The following TENM3 variants were observed in gnomAD, a reference collection of about 807,000 sequenced individuals.
TENM3 encodes the protein teneurin-3.
In TENM3, 63 loss-of-function variants were observed where a neutral mutation model predicts 255.1. The observed-to-expected ratio is 0.25, with a 90% CI of 0.20 to 0.30. The LOEUF is 0.30. TENM3 is among the 10% of genes least tolerant of loss of function. The probability of loss-of-function intolerance (pLI) is 1.00; values close to 1 mark genes in which losing one functional copy is unlikely to be tolerated. For synonymous variants in TENM3, 1,306 were observed against 1,322.3 expected (o/e 0.99, Z 0.27); for missense variants, 2,929 against 3,461.1 (o/e 0.85, Z 3.86).
the TENM3 span, among the ~76,000 whole-genome samples, chr4:181,509,397 T>TC: frequency 9.9e-6 from 1 of 101,176 alleles, no homozygotes; most frequent in Non-Finnish European, 2.2e-5. Flanking sequence ...TAAGGTGCAA[T>TC]TTTTTTTTTT....
chr4:182,022,537 A>T, the TENM3 span, among the ~76,000 whole-genome samples: 4 of 152,060 alleles, frequency 2.6e-5, no homozygotes, highest in African/African-American at 4.8e-5. Context: ...GAATAAAAAA[A>T]AAAAAAAAAA....
the TENM3 span, among the ~76,000 whole-genome samples, chr4:181,958,480 T>C: frequency 6.6e-6 from 1 of 152,222 alleles, no homozygotes; most frequent in Non-Finnish European, 1.5e-5. Context: ...ACAGTAATGA[T>C]ATGAGTAAAT....
chr4:181,725,406 C>T, the TENM3 span, among the ~76,000 whole-genome samples: 2 of 139,542 alleles, frequency 1.4e-5, no homozygotes, highest in Non-Finnish European at 3.0e-5. Context: ...CTGACATTCA[C>T]ATTCTTTTTC....
intron 10 of TENM3, 120 bp downstream of exon 10, chr4:182,680,857 A>C: frequency 1.4e-6 from 1 of 723,856 alleles, no homozygotes. Context: ...AATTTTGAAA[A>C]ATCCATGTTT....
At chr4:181,830,242 T>C in the TENM3 span, among the ~76,000 whole-genome samples, 1 of 152,154 alleles carries the variant, frequency 6.6e-6, no homozygotes, top group Non-Finnish European at 1.5e-5. Context: ...TGCATCCTGC[T>C]TGCTGCTGCT....
chr4:182,163,840 T>G (rs1751518445), intron 1 of TENM3, among the ~76,000 whole-genome samples: 1 of 152,182 alleles, frequency 6.6e-6, no homozygotes, highest in South Asian at 2.1e-4. Context: ...GTATCTGTCC[T>G]CTTCTAGTTG....
At chr4:181,897,211 T>C in the TENM3 span, among the ~76,000 whole-genome samples, 2 of 152,178 alleles carry the variant, frequency 1.3e-5, no homozygotes, top group Non-Finnish European at 2.9e-5. Context: ...ATTCAGCACA[T>C]AAATTCAGCA....
the TENM3 span, among the ~76,000 whole-genome samples, chr4:181,535,172 G>A: frequency 4.6e-5 from 7 of 152,196 alleles, no homozygotes; most frequent in East Asian, 5.8e-4. Context: ...CTCAACAGTC[G>A]GGGCTGGGCA....
At chr4:181,466,701 G>T in the TENM3 span, among the ~76,000 whole-genome samples, 1 of 152,028 alleles carries the variant, frequency 6.6e-6, no homozygotes. Flanking sequence ...ATGGCTTTCT[G>T]ATTTCATACT....
At chr4:182,463,544 C>G (rs576979923) in intron 3 of TENM3, among the ~76,000 whole-genome samples, 2 of 151,918 alleles carry the variant, frequency 1.3e-5, no homozygotes, top group East Asian at 3.9e-4. Context: ...GATCTCTGCT[C>G]ACTGCAAACT....
intron 1 of TENM3, among the ~76,000 whole-genome samples, chr4:182,277,468 C>T (rs972045221): frequency 6.6e-6 from 1 of 152,104 alleles, no homozygotes. Flanking sequence ...TTATACACTA[C>T]ATTTTGGGCT....
chr4:182,328,073 C>G (rs1580173710), intron 2 of TENM3, among the ~76,000 whole-genome samples: 1 of 152,284 alleles, frequency 6.6e-6, no homozygotes, highest in Middle Eastern at 3.4e-3. Context: ...TGAAAAGAAC[C>G]ACTTTGGGGC....
At chr4:182,433,507 C>T (rs147663847) in intron 3 of TENM3, among the ~76,000 whole-genome samples, 17 of 151,998 alleles carry the variant, frequency 1.1e-4, no homozygotes, top group African/African-American at 3.1e-4. Context: ...AAAGGGAGGA[C>T]GAGAGGAAGG....
intron 1 of TENM3, among the ~76,000 whole-genome samples, chr4:182,278,271 G>T (rs1760136928): frequency 6.6e-6 from 1 of 152,080 alleles, no homozygotes; most frequent in Non-Finnish European, 1.5e-5. Flanking sequence ...GGAGGCTGAG[G>T]CAGGAGAATA....
At position 182,751,974 on chromosome 4, in the gene TENM3, C is replaced by G. The variant is rs369770052; in HGVS notation, c.3804C>G (p.Asp1268Glu). 6.2e-7 allele frequency: 1 copy of G among 1,612,584 alleles called. No homozygotes were observed. The highest frequency in any genetic ancestry group is 1.7e-5 in the Admixed American group (1 of 59,794). The change falls in exon 20 of 28, where the codon GAC (aspartate) becomes GAG (glutamate). Residue 1268 changes from aspartate (D) to glutamate (E), a missense_variant. This residue lies in a region of TENM3 where 1,608 missense variants were observed against 1,884.4 expected (regional missense o/e 0.85). Coordinates refer to ENST00000511685, the MANE Select transcript of TENM3 (RefSeq NM_001080477.4). Reference protein sequence around the residue: ...AGTGEQCLPFDEARCGDGGKA... With the variant: ...AGTGEQCLPFEEARCGDGGKA... Reference sequence around the variant, plus strand: ...CAGGGGAGCAATGCCTTCCGTTTGACGAGGCGAGATGTGGGGATGGAGGGA... The same window carrying G: ...CAGGGGAGCAATGCCTTCCGTTTGAGGAGGCGAGATGTGGGGATGGAGGGA...
At position 182,755,020 on chromosome 4, in the gene TENM3, T is replaced by G; in HGVS notation, c.4653T>G (p.Asn1551Lys). Reference protein sequence around the residue: ...YLYNFSYSNDNDITAVTDSNG... With the variant: ...YLYNFSYSNDKDITAVTDSNG... ...ACAATTTTAGCTACAGCAATGACAATGATATTACTGCTGTGACAGACAGCA... is the reference window on the plus strand; with the variant it reads ...ACAATTTTAGCTACAGCAATGACAAGGATATTACTGCTGTGACAGACAGCA... Residue 1551 changes from asparagine to lysine, a missense_variant, in exon 22 of 28, where the codon AAT becomes AAG. Asn to Lys is a moderately conservative substitution (Grantham distance 94). Around this residue, in one of 6 missense-constraint regions of TENM3, gnomAD observed 1,608 missense variants for 1,884.4 expected, o/e 0.85. Coordinates refer to ENST00000511685, the MANE Select transcript of TENM3 (RefSeq NM_001080477.4). 1 of 1,613,984 alleles carries G rather than the reference T, an allele frequency of 6.2e-7. No individual in the cohort carries two copies. Among genetic ancestry groups the G allele is most frequent in the Non-Finnish European group, 8.5e-7 (1 of 1,179,858 alleles).
chr4:181,862,038 T>C, the TENM3 span, among the ~76,000 whole-genome samples: 1 of 152,250 alleles, frequency 6.6e-6, no homozygotes, highest in East Asian at 1.9e-4. Context: ...TGATTTGTAT[T>C]TGGCTTGGGT....
chr4:181,684,885 G>C, the TENM3 span, among the ~76,000 whole-genome samples: 2 of 147,088 alleles, frequency 1.4e-5, no homozygotes, highest in Non-Finnish European at 3.0e-5. Flanking sequence ...CTCCCAGATA[G>C]CTGGGACTAC....
At chr4:182,444,863 C>T (rs551977169) in intron 3 of TENM3, among the ~76,000 whole-genome samples, 4 of 152,102 alleles carry the variant, frequency 2.6e-5, no homozygotes, top group Non-Finnish European at 4.4e-5. Flanking sequence ...TGCAATGGCG[C>T]GATCTGGGCT....
Sources: gnomAD v4.1 joint callset for allele counts (sites outside exome capture counted in the v4.1 genomes callset) on GRCh38, gnomAD v4.1.1 for gene constraint, gnomAD v4.1.1 regional missense constraint, MANE v1.5 for transcripts, NCBI Gene and HGNC (gene_info 2026-07-23, HGNC 2026-07-21) for gene names.